CADM2: variants seen among roughly 807,000 people sequenced by gnomAD.
The protein encoded by CADM2 is cell adhesion molecule 2.
CADM2 carries 12 observed loss-of-function variants against 49.8 expected under a neutral mutation model. The ratio of observed to expected loss-of-function variants is 0.24; its 90% CI spans 0.15 to 0.39. CADM2 has a LOEUF of 0.39. Ranked by LOEUF, CADM2 falls within the 10% of genes least tolerant of loss-of-function variation. The pLI, the probability that CADM2 is intolerant of heterozygous loss-of-function variation, is 1.00. For missense variants in CADM2, 378 were observed against 492.3 expected (o/e 0.77, Z 2.20); for synonymous variants, 214 against 175.4 (o/e 1.22, Z -1.74).
intron 1 of CADM2, among the ~76,000 whole-genome samples, chr3:85,228,960 G>A (rs2042222560): frequency 6.6e-6 from 1 of 152,148 alleles, no homozygotes; most frequent in Non-Finnish European, 1.5e-5. Context: ...CCAGGGAGAT[G>A]GGGGTTTTAT....
intron 1 of CADM2, among the ~76,000 whole-genome samples, chr3:84,987,762 A>G (rs375174666): frequency 7.2e-5 from 11 of 152,248 alleles, no homozygotes; most frequent in African/African-American, 2.6e-4. Context: ...GCAGTCAGCA[A>G]CTCATATTTG....
chr3:85,338,477 T>C (rs1306488443), intron 1 of CADM2, among the ~76,000 whole-genome samples: 1 of 151,510 alleles, frequency 6.6e-6, no homozygotes, highest in African/African-American at 2.4e-5. Flanking sequence ...AATATAGTAA[T>C]AAAAATAATT....
At chr3:85,980,005 A>G (rs982631765) in intron 8 of CADM2, among the ~76,000 whole-genome samples, 5 of 151,554 alleles carry the variant, frequency 3.3e-5, no homozygotes, top group African/African-American at 4.8e-5. Flanking sequence ...AGAAATATAA[A>G]AAGTATTCCT....
chr3:84,968,218 A>G (rs527626296), intron 1 of CADM2, among the ~76,000 whole-genome samples: 1 of 152,080 alleles, frequency 6.6e-6, no homozygotes, highest in Non-Finnish European at 1.5e-5. Context: ...TCAGGATTCA[A>G]GAATCAACTT....
In CADM2 at chr3:85,164,563, T is replaced by C. The variant is rs996663558; in HGVS notation, c.61+204895T>C. ...TTTGAATTTCAGTATTTAAAGGCAA[T>C]GTTTCCTCCAATTCCTAACAGAGAA... On this transcript the variant is annotated intron_variant, in intron 1 of 9. Coordinates refer to ENST00000383699, the MANE Select transcript of CADM2 (RefSeq NM_001167675.2). 3.9e-5 allele frequency among the ~76,000 whole-genome samples: 6 copies of C among 152,152 alleles called. No individual in the cohort carries two copies. The East Asian group carries it at 7.7e-4, about 20-fold the overall frequency.
At chr3:85,520,838 G>T (rs1021266254) in intron 1 of CADM2, among the ~76,000 whole-genome samples, 3 of 152,060 alleles carry the variant, frequency 2.0e-5, no homozygotes, top group Admixed American at 2.0e-4. Context: ...AATTATTGCA[G>T]ATTAAGGGGT....
At chr3:85,415,838 T>G (rs2107483198) in intron 1 of CADM2, among the ~76,000 whole-genome samples, 1 of 152,262 alleles carries the variant, frequency 6.6e-6, no homozygotes, top group South Asian at 2.1e-4. Flanking sequence ...GTCAGCATCA[T>G]GCATAAATAT....
intron 1 of CADM2, among the ~76,000 whole-genome samples, chr3:85,167,021 T>G (rs763156076): frequency 6.6e-6 from 1 of 152,094 alleles, no homozygotes; most frequent in African/African-American, 2.4e-5. Flanking sequence ...CCTTAGTTCT[T>G]GTTTGTCCTA....
At chr3:85,458,537 T>A (rs1251663220) in intron 1 of CADM2, among the ~76,000 whole-genome samples, 1 of 152,220 alleles carries the variant, frequency 6.6e-6, no homozygotes, top group Non-Finnish European at 1.5e-5. Flanking sequence ...TTGAACTGCA[T>A]CTTGCCGTTC....
At chr3:85,319,712 G>A (rs1428668755) in intron 1 of CADM2, among the ~76,000 whole-genome samples, 2 of 152,144 alleles carry the variant, frequency 1.3e-5, no homozygotes, top group Non-Finnish European at 2.9e-5. Flanking sequence ...AGTACCATAT[G>A]TTCTCACAAC....
intron 1 of CADM2, among the ~76,000 whole-genome samples, chr3:85,002,497 C>G (rs905704794): frequency 6.6e-6 from 1 of 152,154 alleles, no homozygotes; most frequent in African/African-American, 2.4e-5. Flanking sequence ...CATACAGATT[C>G]ATTCAAAGGA....
intron 1 of CADM2, among the ~76,000 whole-genome samples, chr3:85,548,450 T>C (rs1000255269): frequency 6.6e-6 from 1 of 151,804 alleles, no homozygotes; most frequent in African/African-American, 2.4e-5. Flanking sequence ...AAATTTGCAG[T>C]AGTAAGAGCT....
chr3:85,248,767 T>C (rs2042709304), intron 1 of CADM2, among the ~76,000 whole-genome samples: 2 of 152,142 alleles, frequency 1.3e-5, no homozygotes, highest in Non-Finnish European at 2.9e-5. Flanking sequence ...ATAGCCTGAG[T>C]AAGACTACTT....
chr3:85,461,237 C>T (rs953330739), intron 1 of CADM2, among the ~76,000 whole-genome samples: 2 of 152,010 alleles, frequency 1.3e-5, no homozygotes, highest in African/African-American at 4.8e-5. Flanking sequence ...TGCTCCCTCC[C>T]CCAGCCATCT....
At chr3:86,051,011 C>A (rs1197000773) in intron 8 of CADM2, among the ~76,000 whole-genome samples, 2 of 152,178 alleles carry the variant, frequency 1.3e-5, no homozygotes, top group South Asian at 2.1e-4. Flanking sequence ...ATGGACTTTT[C>A]TTTTCTACCA....
chr3:85,330,616 T>C (rs1051109831), intron 1 of CADM2, among the ~76,000 whole-genome samples: 4 of 152,008 alleles, frequency 2.6e-5, no homozygotes, highest in African/African-American at 9.7e-5. Flanking sequence ...ATAGGCAATG[T>C]CTTTATAAAT....
chr3:85,496,147 T>G (rs10433524), intron 1 of CADM2, among the ~76,000 whole-genome samples: 31,503 of 152,144 alleles, frequency 0.21, 3,873 homozygotes, highest in East Asian at 0.3. Context: ...GATCCCATCA[T>G]GGAGATAGTG....
chr3:85,570,126 C>A (rs1024646405), intron 1 of CADM2, among the ~76,000 whole-genome samples: 2 of 152,114 alleles, frequency 1.3e-5, no homozygotes, highest in African/African-American at 4.8e-5. Context: ...ATTAATTATC[C>A]TTATCCTAAG....
At chr3:85,061,280 G>A (rs765140334) in intron 1 of CADM2, among the ~76,000 whole-genome samples, 37 of 152,008 alleles carry the variant, frequency 2.4e-4, no homozygotes, top group Non-Finnish European at 4.6e-4. Context: ...CACCATTCAA[G>A]AGAGACCATT....
Sources: allele counts gnomAD v4.1 joint callset (sites outside exome capture counted in the v4.1 genomes callset), GRCh38; gene constraint gnomAD v4.1.1; transcripts MANE v1.5; gene names NCBI Gene and HGNC (gene_info 2026-07-23, HGNC 2026-07-21).